The following MMP24 variants were observed in gnomAD, a reference collection of about 807,000 sequenced individuals.
The protein encoded by MMP24 is matrix metallopeptidase 24.
MMP24 carries 25 observed loss-of-function variants against 62.8 expected under a neutral mutation model. The observed-to-expected ratio is 0.40, with a 90% confidence interval of 0.29 to 0.56. MMP24 has a LOEUF of 0.56. Among genes scored for constraint, MMP24 ranks in the 20% least tolerant of loss-of-function variants. The pLI is 0.50. For missense variants in MMP24, 634 were observed against 853.6 expected, an observed-to-expected ratio of 0.74 and a Z score of 3.21; for synonymous variants, 319 against 350.5, an observed-to-expected ratio of 0.91 and a Z score of 1.00.
chr20:35,244,230 C>T (rs1294334408), intron 1 of MMP24, among the ~76,000 whole-genome samples: 2 of 152,162 alleles, frequency 1.3e-5, no homozygotes, highest in African/African-American at 4.8e-5. Context: ...GCTCTTTTCC[C>T]TTCATTGGCT....
At chr20:35,266,908 A>G (rs2060638359) in intron 5 of MMP24, among the ~76,000 whole-genome samples, 1 of 152,096 alleles carries the variant, frequency 6.6e-6, no homozygotes, top group Non-Finnish European at 1.5e-5. Flanking sequence ...GTGCGTGTGA[A>G]GGGGGCAAAG....
chr20:35,262,645 T>TA (rs1214159611), intron 4 of MMP24: 3 of 147,304 alleles, frequency 2.0e-5, no homozygotes, highest in African/African-American at 5.3e-5. Context: ...CTTCCTCTTT[T>TA]ACTAATCCTC....
At chr20:35,227,042 G>T in intron 1 of MMP24, 58 bp downstream of exon 1, 5 of 975,774 alleles carry the variant, frequency 5.1e-6, no homozygotes, top group Non-Finnish European at 6.1e-6. Flanking sequence ...AGGGCGGGGG[G>T]CGGCACCGGG....
intron 3 of MMP24, among the ~76,000 whole-genome samples, chr20:35,254,216 C>A (rs905476016): frequency 1.3e-5 from 2 of 152,216 alleles, no homozygotes; most frequent in African/African-American, 2.4e-5. Context: ...TTATTCGACA[C>A]AGCTTTGCTG....
intron 1 of MMP24, among the ~76,000 whole-genome samples, chr20:35,229,542 T>C (rs925963679): frequency 2.6e-5 from 4 of 152,238 alleles, no homozygotes; most frequent in African/African-American, 9.6e-5. Flanking sequence ...CTTCTCTCAA[T>C]AATTTGTGCC....
chr20:35,248,306 C>CT (rs11479770), intron 2 of MMP24, among the ~76,000 whole-genome samples: 7,715 of 136,756 alleles, frequency 0.056, 604 homozygotes, highest in African/African-American at 0.17. Context: ...TTCCCCCCCC[C>CT]TTTTTTTTTT....
At chr20:35,247,481 C>G (rs1450204531) in intron 2 of MMP24, among the ~76,000 whole-genome samples, 1 of 152,144 alleles carries the variant, frequency 6.6e-6, no homozygotes, top group African/African-American at 2.4e-5. Context: ...AGTCATCTAG[C>G]CACACCAGTC....
At chr20:35,237,307 C>G (rs2060468612) in intron 1 of MMP24, among the ~76,000 whole-genome samples, 1 of 152,196 alleles carries the variant, frequency 6.6e-6, no homozygotes, top group African/African-American at 2.4e-5. Context: ...CTCTTCCTTG[C>G]CTTTTCCAGT....
At chr20:35,267,070 G>A in intron 5 of MMP24, 135 bp from the exon 6 acceptor site, 1 of 668,680 alleles carries the variant, frequency 1.5e-6, no homozygotes, top group Non-Finnish European at 2.5e-6. Flanking sequence ...AAGACTGGGG[G>A]AGTTAAACTG....
chr20:35,271,069 G>A lies in MMP24; in HGVS notation c.1334-500G>A, dbSNP rs2060666245. Among the ~76,000 whole-genome samples, 1 of 144,554 alleles carries A rather than the reference G, an allele frequency of 6.9e-6. No homozygotes were observed. The highest frequency in any genetic ancestry group is 1.5e-5 in the Non-Finnish European group (1 of 66,302). 94.8% of individuals were successfully genotyped at this position (144,554 alleles called of 152,430 possible). ...AAAAAGAAGTGGCTGAATACTGAGA[G>A]GAGAAGGAAAGAGAGGGTCAACAGT... On this transcript the variant is annotated intron_variant, in intron 7 of 8. Coordinates refer to ENST00000246186, the MANE Select transcript of MMP24 (RefSeq NM_006690.4). The surrounding 1 kb of genome is among the most constrained non-coding windows in gnomAD (Gnocchi z 4.0).
At chr20:35,234,023 C>A (rs954037168) in intron 1 of MMP24, among the ~76,000 whole-genome samples, 35 of 152,264 alleles carry the variant, frequency 2.3e-4, no homozygotes, top group African/African-American at 8.4e-4. Context: ...GCCGATGAGG[C>A]CCTGCATGAC....
chr20:35,236,833 G>A (rs1340685345), intron 1 of MMP24, among the ~76,000 whole-genome samples: 1 of 152,038 alleles, frequency 6.6e-6, no homozygotes, highest in Non-Finnish European at 1.5e-5. Context: ...AATTAGCCGG[G>A]CATGGTGGCG....
chr20:35,253,270 CTTTTTTT>C lies in MMP24; in HGVS notation c.513-1163_513-1157del, dbSNP rs34474017. Reference sequence around the variant, plus strand: ...GACAAGCACTCCCTACAGAACGGGACTTTTTTTTTTTTTTTTTTTTTTTCAGAAATCT... The same window carrying C: ...GACAAGCACTCCCTACAGAACGGGACTTTTTTTTTTTTTTTTCAGAAATCT... On this transcript the variant is annotated intron_variant, in intron 3 of 8. Coordinates refer to ENST00000246186, the MANE Select transcript of MMP24 (RefSeq NM_006690.4). Among the ~76,000 whole-genome samples the C allele has an allele frequency of 1.4e-3, 108 of 79,052 alleles. 4 individuals are homozygous for C. The highest frequency in any genetic ancestry group is 5.6e-3 in the African/African-American group (97 of 17,180). 51.9% of individuals were successfully genotyped at this position (79,052 alleles called of 152,430 possible).
At chr20:35,247,947 G>A (rs925408209) in intron 2 of MMP24, among the ~76,000 whole-genome samples, 6 of 152,206 alleles carry the variant, frequency 3.9e-5, no homozygotes, top group Non-Finnish European at 8.8e-5. Flanking sequence ...GCAGCTAGAG[G>A]ATGAAGTTTT....
Position 35,274,164 on chromosome 20 carries a change from G to A in MMP24, c.1601-108G>A, listed in dbSNP as rs2060689422. On this transcript the variant is annotated intron_variant, in intron 8 of 8. Transcript: ENST00000246186. This position sits in a 1 kb window ranked among gnomAD's most constrained non-coding sequence, Gnocchi z 5.1. ...CACTGCACCCCAAACCTCCAGGTGT[G>A]CCCACCTTGCCTCCCTTGCCACAGT... 1 of 1,123,356 alleles carries A rather than the reference G, an allele frequency of 8.9e-7. No homozygotes were observed. Among genetic ancestry groups the A allele is most frequent in the Non-Finnish European group, 1.3e-6 (1 of 785,034 alleles). The allele number at this position is 1,123,356 out of a possible 1,614,324, so 69.6% of individuals were successfully genotyped here.
chr20:35,266,288 G>A (rs1005084321), intron 5 of MMP24, among the ~76,000 whole-genome samples: 2 of 147,908 alleles, frequency 1.4e-5, no homozygotes, highest in African/African-American at 5.0e-5. Flanking sequence ...GGAGGCAGAG[G>A]TTGCAGTGAG....
At chr20:35,241,676 C>T (rs534881899) in intron 1 of MMP24, among the ~76,000 whole-genome samples, 15 of 152,280 alleles carry the variant, frequency 9.9e-5, no homozygotes, top group South Asian at 6.2e-4. Flanking sequence ...TCCCAGAAAA[C>T]GAGCTGCGTA....
intron 1 of MMP24, chr20:35,236,004 C>CTGGCT (rs2060461090): frequency 6.6e-6 from 1 of 152,410 alleles, no homozygotes; most frequent in Non-Finnish European, 1.5e-5. Flanking sequence ...TGGTGATCAT[C>CTGGCT]TGGCTTGTGG....
rs2060498359 is a variant in MMP24, at chr20:35,243,367, T to C, written c.247-3473T>C. On this transcript the variant is annotated intron_variant, in intron 1 of 8. Coordinates refer to ENST00000246186, the MANE Select transcript of MMP24 (RefSeq NM_006690.4). ...AAGACACCCTTCTTTTGTTCTCCCATAGAACTCTATGCACACTTGCTTTTT... is the reference window on the plus strand; with the variant it reads ...AAGACACCCTTCTTTTGTTCTCCCACAGAACTCTATGCACACTTGCTTTTT... 2.0e-5 allele frequency among the ~76,000 whole-genome samples: 3 copies of C among 152,322 alleles called. No individual in the cohort carries two copies. In the South Asian group the frequency reaches 6.2e-4, roughly 32 times the overall value.
Sources: gnomAD v4.1 joint callset for allele counts (sites outside exome capture counted in the v4.1 genomes callset) on GRCh38, gnomAD v4.1.1 for gene constraint, Gnocchi (gnomAD v3.1) non-coding constraint, MANE v1.5 for transcripts, NCBI Gene and HGNC (gene_info 2026-07-23, HGNC 2026-07-21) for gene names.